TP63: variants seen among roughly 807,000 people sequenced by gnomAD.
TP63 encodes tumor protein 63.
In TP63, 17 loss-of-function variants were observed where a neutral mutation model predicts 82.8. The observed-to-expected ratio is 0.21, with a 90% CI of 0.14 to 0.31. The LOEUF (loss-of-function observed/expected upper bound fraction) is 0.31. Ranked by LOEUF, TP63 falls within the 10% of genes least tolerant of loss-of-function variation. The pLI is 1.00. For missense variants in TP63, 648 were observed against 895.3 expected (o/e 0.72, Z 3.52); for synonymous variants, 330 against 321.7 (o/e 1.03, Z -0.28).
At chr3:189,648,719 C>G (rs1260844348) in intron 1 of TP63, among the ~76,000 whole-genome samples, 2 of 147,318 alleles carry the variant, frequency 1.4e-5, no homozygotes, top group Non-Finnish European at 3.0e-5. Context: ...ACTCAGAATT[C>G]AGTGTTCTTC....
Position 189,872,897 on chromosome 3 carries a change from C to A in TP63, c.1251C>A (p.Ile417=), listed in dbSNP as rs1718606796. ...GRETYEMLLK[I]KESLELMQYL... is the part of the protein sequence containing the mutation. The stretch of plus-strand genomic sequence containing the variant: ...AGACTTATGAAATGCTGTTGAAGAT[C>A]AAAGAGTCCCTGGAACTCATGCAGT... Residue 417 remains isoleucine, a synonymous_variant, in exon 10 of 14, where the codon ATC becomes ATA. Transcript: ENST00000264731. The A allele has an allele frequency of 6.2e-7, 1 of 1,614,082 alleles. No individual in the cohort carries two copies. The highest frequency in any genetic ancestry group is 8.5e-7 in the Non-Finnish European group (1 of 1,179,988).
intron 3 of TP63, among the ~76,000 whole-genome samples, chr3:189,756,150 A>C (rs1023754113): frequency 6.6e-6 from 1 of 152,192 alleles, no homozygotes; most frequent in African/African-American, 2.4e-5. Context: ...TAGTATCCCA[A>C]ATGCTTTTAT....
intron 1 of TP63, among the ~76,000 whole-genome samples, chr3:189,679,061 G>C (rs543282906): frequency 1.3e-5 from 2 of 151,918 alleles, no homozygotes; most frequent in African/African-American, 4.8e-5. Context: ...GGTTGATTCC[G>C]TATCTGAGCT....
chr3:189,608,856 A>C, the TP63 span, among the ~76,000 whole-genome samples: 1 of 152,136 alleles, frequency 6.6e-6, no homozygotes, highest in Non-Finnish European at 1.5e-5. Context: ...AATCAAGAGT[A>C]CATTTTAAAA....
At chr3:189,829,576 A>T (rs1711981779) in intron 4 of TP63, among the ~76,000 whole-genome samples, 1 of 152,242 alleles carries the variant, frequency 6.6e-6, no homozygotes, top group African/African-American at 2.4e-5. Flanking sequence ...AAATGTGGAA[A>T]CAGCTTTGGA....
the TP63 span, among the ~76,000 whole-genome samples, chr3:189,598,114 C>G: frequency 6.6e-6 from 1 of 151,524 alleles, no homozygotes; most frequent in South Asian, 2.1e-4. Context: ...AACTGAATGA[C>G]AGGTCAGCAT....
intron 1 of TP63, among the ~76,000 whole-genome samples, chr3:189,733,786 C>G (rs1356593895): frequency 6.6e-6 from 1 of 152,114 alleles, no homozygotes; most frequent in African/African-American, 2.4e-5. Flanking sequence ...TCAACTTTTA[C>G]TTCTTCTCTA....
chr3:189,709,733 C>A (rs1263841132), intron 1 of TP63, among the ~76,000 whole-genome samples: 2 of 152,114 alleles, frequency 1.3e-5, no homozygotes, highest in African/African-American at 4.8e-5. Context: ...TTGTCCTGTT[C>A]TCTGATTTAT....
intron 1 of TP63, among the ~76,000 whole-genome samples, chr3:189,670,831 C>A (rs1714826855): frequency 6.6e-6 from 1 of 152,030 alleles, no homozygotes; most frequent in Admixed American, 6.6e-5. Flanking sequence ...ATAAATAGTA[C>A]TGGGAAAGCC....
At chr3:189,693,453 G>GAAT (rs1233781212) in intron 1 of TP63, among the ~76,000 whole-genome samples, 1 of 152,108 alleles carries the variant, frequency 6.6e-6, no homozygotes, top group Non-Finnish European at 1.5e-5. Context: ...ATTAAGCTGG[G>GAAT]TAAAATACCT....
intron 3 of TP63, among the ~76,000 whole-genome samples, chr3:189,774,397 C>T (rs1038059009): frequency 8.5e-5 from 13 of 152,180 alleles, no homozygotes; most frequent in Non-Finnish European, 1.5e-4. Context: ...TTATGTGTAG[C>T]GATTTTGCAA....
At chr3:189,882,018 C>A (rs1242705616) in intron 10 of TP63, among the ~76,000 whole-genome samples, 144 of 139,576 alleles carry the variant, frequency 1.0e-3, no homozygotes, top group East Asian at 1.3e-3. Flanking sequence ...AAGTTCTAAC[C>A]AAAAAAAAAA....
At chr3:189,871,990 G>A (rs1175002016) in intron 9 of TP63, among the ~76,000 whole-genome samples, 5 of 152,142 alleles carry the variant, frequency 3.3e-5, no homozygotes, top group African/African-American at 7.2e-5. Context: ...TTGTAGGTGT[G>A]AGCCACCATG....
At chr3:189,673,255 G>A (rs1200490400) in intron 1 of TP63, among the ~76,000 whole-genome samples, 1 of 152,094 alleles carries the variant, frequency 6.6e-6, no homozygotes, top group Non-Finnish European at 1.5e-5. Context: ...ATCTTCCTCA[G>A]TCTGATAAAA....
intron 3 of TP63, chr3:189,789,658 A>G (rs13061666): frequency 7.8e-5 from 113 of 1,444,474 alleles, no homozygotes; most frequent in Non-Finnish European, 9.9e-5. Flanking sequence ...TAAATTATGT[A>G]CAGAGAGAGA....
In TP63 at chr3:189,886,571, G is replaced by A; in HGVS notation, c.1507+20G>A. On this transcript the variant is annotated intron_variant, in intron 11 of 13. Transcript: ENST00000264731. ...CCAACAGTAAGAGCATCTCCTTTTA[G>A]CTGTGGCTGAAGGATGAACAGGCTA... 6.2e-7 allele frequency: 1 copy of A among 1,613,514 alleles called. No individual in the cohort carries two copies. Among genetic ancestry groups the A allele is most frequent in the Non-Finnish European group, 8.5e-7 (1 of 1,179,912 alleles).
chr3:189,890,992 C>A, intron 13 of TP63, 110 bp downstream of exon 13: 2 of 978,424 alleles, frequency 2.0e-6, no homozygotes, highest in South Asian at 1.4e-5. Context: ...TTTTGTCATG[C>A]CCCCAATTAT....
rs143583504 is a variant in TP63, at chr3:189,784,263, G to A, written c.325-24009G>A. Among the ~76,000 whole-genome samples the A allele has an allele frequency of 2.1e-3, 320 of 152,058 alleles. 3 individuals are homozygous for A. Among genetic ancestry groups the A allele is most frequent in the African/African-American group, 7.4e-3 (306 of 41,510 alleles). On this transcript the variant is annotated intron_variant, in intron 3 of 13. Coordinates refer to ENST00000264731, the MANE Select transcript of TP63 (RefSeq NM_003722.5). Reference sequence around the variant, plus strand: ...AGGCACTATCTAAATCCAGGTAAGTGGTAAAATACTGTTATTACAATCATA... The same window carrying A: ...AGGCACTATCTAAATCCAGGTAAGTAGTAAAATACTGTTATTACAATCATA...
intron 3 of TP63, among the ~76,000 whole-genome samples, chr3:189,773,393 C>T (rs1350916579): frequency 6.6e-6 from 1 of 152,212 alleles, no homozygotes; most frequent in African/African-American, 2.4e-5. Context: ...CTCCAAGAAA[C>T]CATTGTGAAG....
Sources: allele counts gnomAD v4.1 joint callset (sites outside exome capture counted in the v4.1 genomes callset), GRCh38; gene constraint gnomAD v4.1.1; transcripts MANE v1.5; gene names NCBI Gene and HGNC (gene_info 2026-07-23, HGNC 2026-07-21).